The following PCDH9 variants were observed in gnomAD, a reference collection of about 807,000 sequenced individuals.
PCDH9 encodes the protein protocadherin 9, also known as protocadherin-9.
A neutral mutation model predicts 70.6 loss-of-function variants in PCDH9; 24 were observed. The ratio of observed to expected loss-of-function variants is 0.34; its 90% CI spans 0.25 to 0.48. The LOEUF is 0.48. PCDH9 is among the 20% of genes least tolerant of loss of function. The probability of loss-of-function intolerance (pLI) is 0.99; values close to 1 mark genes in which losing one functional copy is unlikely to be tolerated. For synonymous variants in PCDH9, 562 were observed against 558.5 expected (o/e 1.01, Z -0.09); for missense variants, 1,281 against 1,503.6 (o/e 0.85, Z 2.45).
At chr13:66,617,737 C>A (rs4581591) in intron 4 of PCDH9, among the ~76,000 whole-genome samples, 144,018 of 152,168 alleles carry the variant, frequency 0.95, 68,706 homozygotes, top group East Asian at 1. Context: ...TTTCTAATAA[C>A]CCGGTTTGTC....
rs527329699 is a variant in PCDH9 at position 66,924,699 on chromosome 13, A to G, written c.3037-21094T>C. 2.0e-5 allele frequency among the ~76,000 whole-genome samples: 3 copies of G among 151,998 alleles called. No individual in the cohort carries two copies. In the South Asian group the frequency reaches 6.2e-4, roughly 31 times the overall value. On this transcript the variant is annotated intron_variant, in intron 2 of 4. Coordinates refer to ENST00000377865, the MANE Select transcript of PCDH9 (RefSeq NM_203487.3). Reference sequence around the variant, plus strand: ...AAACTATATATACATGAGCATAGCTACATACATACATGAAATATATACTCA... The same window carrying G: ...AAACTATATATACATGAGCATAGCTGCATACATACATGAAATATATACTCA...
At chr13:66,567,433 AT>A (rs1356026006) in intron 4 of PCDH9, among the ~76,000 whole-genome samples, 2 of 152,144 alleles carry the variant, frequency 1.3e-5, no homozygotes, top group Non-Finnish European at 2.9e-5. Flanking sequence ...TTACACCAGA[AT>A]GCCAATCTTT....
intron 3 of PCDH9, among the ~76,000 whole-genome samples, chr13:66,682,351 A>T (rs2078335710): frequency 1.8e-5 from 2 of 108,996 alleles, no homozygotes; most frequent in Admixed American, 1.1e-4. Flanking sequence ...AGCTGTATTT[A>T]TTATCTATCT....
chr13:66,645,920 C>T (rs988367084), intron 3 of PCDH9, among the ~76,000 whole-genome samples: 10 of 152,194 alleles, frequency 6.6e-5, no homozygotes, highest in Non-Finnish European at 1.3e-4. Flanking sequence ...ACAGGGAAGT[C>T]TTCCAGTAAG....
chr13:66,384,285 G>C (rs1389302125), intron 4 of PCDH9, among the ~76,000 whole-genome samples: 2 of 152,032 alleles, frequency 1.3e-5, no homozygotes, highest in African/African-American at 4.8e-5. Flanking sequence ...CTTAGCTTTA[G>C]AAGACTGTAT....
intron 4 of PCDH9, among the ~76,000 whole-genome samples, chr13:66,525,548 A>G (rs1030275075): frequency 2.4e-4 from 36 of 152,064 alleles, no homozygotes; most frequent in African/African-American, 8.0e-4. Flanking sequence ...GCAAAAATCA[A>G]AACAAAACAA....
chr13:66,307,315 C>A (rs893653975), intron 4 of PCDH9, among the ~76,000 whole-genome samples: 4 of 151,968 alleles, frequency 2.6e-5, no homozygotes, highest in African/African-American at 4.8e-5. Flanking sequence ...TGGTGATCTA[C>A]GAACAATGTT....
chr13:66,570,380 A>G (rs572682497), intron 4 of PCDH9, among the ~76,000 whole-genome samples: 1 of 152,270 alleles, frequency 6.6e-6, no homozygotes, highest in South Asian at 2.1e-4. Flanking sequence ...TACACAGGAG[A>G]TAAAATTGTG....
intron 2 of PCDH9, among the ~76,000 whole-genome samples, chr13:66,979,283 A>T (rs2083689151): frequency 6.6e-6 from 1 of 152,176 alleles, no homozygotes; most frequent in South Asian, 2.1e-4. Context: ...TAGTAACTGA[A>T]TGCCCTTGTA....
At chr13:67,133,774 T>G (rs1325596795) in intron 2 of PCDH9, among the ~76,000 whole-genome samples, 1 of 152,104 alleles carries the variant, frequency 6.6e-6, no homozygotes, top group East Asian at 1.9e-4. Context: ...CAGAAAAATC[T>G]TAATAGTTAA....
In PCDH9 at chr13:66,766,914, G is replaced by GT. The variant is rs199630614; in HGVS notation, c.3139-135504dup. 7.1e-3 allele frequency among the ~76,000 whole-genome samples: 1,080 copies of GT among 152,038 alleles called. 26 individuals are homozygous for GT. The highest frequency in any genetic ancestry group is 0.025 in the African/African-American group (1,027 of 41,402). ...ACCCCATAGTGGTTTCATTCAAAAAGTTTTTTGAAAATCTAACGTCGTTGT... is the reference window on the plus strand; with the variant it reads ...ACCCCATAGTGGTTTCATTCAAAAAGTTTTTTTGAAAATCTAACGTCGTTGT... On this transcript the variant is annotated intron_variant, in intron 3 of 4. Coordinates refer to ENST00000377865, the MANE Select transcript of PCDH9 (RefSeq NM_203487.3).
chr13:66,820,853 G>C (rs925848969), intron 3 of PCDH9, among the ~76,000 whole-genome samples: 18 of 152,100 alleles, frequency 1.2e-4, no homozygotes, highest in African/African-American at 3.4e-4. Context: ...TGGAGGGTGG[G>C]AGGAGGAAAA....
chr13:67,045,024 G>C (rs1006690315), intron 2 of PCDH9, among the ~76,000 whole-genome samples: 19 of 152,296 alleles, frequency 1.2e-4, no homozygotes, highest in African/African-American at 4.6e-4. Flanking sequence ...GGAAATGCCA[G>C]GCTTTGGAAA....
chr13:66,412,442 G>A lies in PCDH9; in HGVS notation c.3341-107414C>T, dbSNP rs890526368. On this transcript the variant is annotated intron_variant, in intron 4 of 4. Transcript: ENST00000377865. ...TTTCCTTAGCAGAAATGTAAGCCGGGCAAGGACAGACGGATTTTTCTAGAA... is the reference window on the plus strand; with the variant it reads ...TTTCCTTAGCAGAAATGTAAGCCGGACAAGGACAGACGGATTTTTCTAGAA... Among the ~76,000 whole-genome samples, 8 of 152,168 alleles carry A rather than the reference G, an allele frequency of 5.3e-5. No individual in the cohort carries two copies. In the South Asian group the frequency reaches 8.3e-4, roughly 16 times the overall value.
intron 2 of PCDH9, among the ~76,000 whole-genome samples, chr13:67,085,774 G>A (rs1427215456): frequency 6.6e-6 from 1 of 152,202 alleles, no homozygotes; most frequent in African/African-American, 2.4e-5. Flanking sequence ...GGACAAGGAA[G>A]GAGTTTGTTC....
chr13:66,460,876 A>G (rs1197795626), intron 4 of PCDH9, among the ~76,000 whole-genome samples: 1 of 151,908 alleles, frequency 6.6e-6, no homozygotes, highest in Non-Finnish European at 1.5e-5. Flanking sequence ...TGACAACACC[A>G]GAAGCTCCTA....
At chr13:67,168,874 A>G (rs2088198941) in intron 2 of PCDH9, among the ~76,000 whole-genome samples, 1 of 152,194 alleles carries the variant, frequency 6.6e-6, no homozygotes, top group Non-Finnish European at 1.5e-5. Context: ...AAAAAGTTCA[A>G]CTTTTTCTGA....
chr13:66,927,667 T>C (rs1229447301), intron 2 of PCDH9, among the ~76,000 whole-genome samples: 2 of 152,062 alleles, frequency 1.3e-5, no homozygotes, highest in Non-Finnish European at 2.9e-5. Context: ...GGCTTATAGA[T>C]CTGGCTGTGT....
chr13:66,649,999 TA>T (rs2077828003), intron 3 of PCDH9, among the ~76,000 whole-genome samples: 1 of 132,606 alleles, frequency 7.5e-6, no homozygotes, highest in African/African-American at 2.8e-5. Flanking sequence ...TACAAAAAAA[TA>T]AAAAGCAAGG....
Sources: allele counts gnomAD v4.1 joint callset (sites outside exome capture counted in the v4.1 genomes callset), GRCh38; gene constraint gnomAD v4.1.1; transcripts MANE v1.5; gene names NCBI Gene and HGNC (gene_info 2026-07-23, HGNC 2026-07-21).